Variants in RARA observed in about 807,000 individuals in gnomAD.
The protein encoded by RARA is PML-DDX5-RARA fusion.
RARA carries 5 observed loss-of-function variants against 42.8 expected under a neutral mutation model. The observed-to-expected ratio is 0.12, with a 90% CI of 0.06 to 0.25. The LOEUF (loss-of-function observed/expected upper bound fraction) is 0.25. Among genes scored for constraint, RARA ranks in the 10% least tolerant of loss-of-function variants. RARA has a pLI of 1.00. For missense variants in RARA, 402 were observed against 628.7 expected (o/e 0.64, Z 3.86); for synonymous variants, 256 against 259.5 (o/e 0.99, Z 0.13).
chr17:40,346,095 C>T lies in RARA; in HGVS notation c.179-2221C>T, dbSNP rs1460482037. 3.3e-5 allele frequency among the ~76,000 whole-genome samples: 5 copies of T among 152,332 alleles called. No homozygotes were observed. In the East Asian group the frequency reaches 9.6e-4, roughly 29 times the overall value. ...GCCCAGCCTAAACTGTAGTCCTTGC[C>T]TCTGGTCATCTCTCCCATTCTGCCA... On this transcript the variant is annotated intron_variant, in intron 2 of 8. Coordinates refer to ENST00000254066, the MANE Select transcript of RARA (RefSeq NM_000964.4).
At position 40,349,778 on chromosome 17, in the gene RARA, A is replaced by C; in HGVS notation, c.328-6A>C. 1 of 1,613,926 alleles carries C rather than the reference A, an allele frequency of 6.2e-7. No individual in the cohort carries two copies. Among genetic ancestry groups the C allele is most frequent in the Non-Finnish European group, 8.5e-7 (1 of 1,179,896 alleles). On this transcript the variant is annotated splice_polypyrimidine_tract_variant and splice_region_variant and intron_variant, in intron 3 of 8. Transcript: ENST00000254066. ...GACAACCTGACTCCCTCCCCTCCATACCCAGGGCTTCTTCCGCCGCAGCAT... is the reference window on the plus strand; with the variant it reads ...GACAACCTGACTCCCTCCCCTCCATCCCCAGGGCTTCTTCCGCCGCAGCAT...
intron 3 of RARA, 117 bp from the exon 4 acceptor site, chr17:40,349,667 G>C: frequency 7.4e-7 from 1 of 1,349,500 alleles, no homozygotes; most frequent in Non-Finnish European, 1.0e-6. Context: ...GGTAGGCGAT[G>C]GGCAAACGCT....
At chr17:40,336,501 C>G (rs2033854713) in intron 2 of RARA, among the ~76,000 whole-genome samples, 1 of 152,136 alleles carries the variant, frequency 6.6e-6, no homozygotes. Context: ...AAGCCATTCT[C>G]CTGTAGCCTC....
chr17:40,322,703 A>T (rs983900434), intron 1 of RARA, among the ~76,000 whole-genome samples: 2 of 151,906 alleles, frequency 1.3e-5, no homozygotes, highest in Non-Finnish European at 2.9e-5. Flanking sequence ...TCTGATCTCC[A>T]GTCACGGCAG....
Position 40,345,572 on chromosome 17 carries a change from T to TGG in RARA, c.179-2744_179-2743insGG, listed in dbSNP as rs1450202003. Among the ~76,000 whole-genome samples the TGG allele has an allele frequency of 6.4e-3, 973 of 152,296 alleles. 9 individuals are homozygous for TGG. Among genetic ancestry groups the TGG allele is most frequent in the Middle Eastern group, 0.02 (6 of 294 alleles). On this transcript the variant is annotated intron_variant, in intron 2 of 8. Coordinates refer to ENST00000254066, the MANE Select transcript of RARA (RefSeq NM_000964.4). This position sits in a 1 kb window ranked among gnomAD's most constrained non-coding sequence, Gnocchi z 4.8. ...GCGAGGGAGGGGCACCCTGGCAGCG[T>TGG]CGGCGGGAGGGGACGCCTGGCTTCC...
intron 1 of RARA, among the ~76,000 whole-genome samples, chr17:40,323,757 G>C (rs957567997): frequency 1.4e-5 from 2 of 144,330 alleles, no homozygotes; most frequent in East Asian, 2.1e-4. Context: ...GGTCGGAGGG[G>C]GGGTATGGGG....
chr17:40,343,840 C>T (rs1047871346), intron 2 of RARA, among the ~76,000 whole-genome samples: 4 of 152,206 alleles, frequency 2.6e-5, no homozygotes, highest in African/African-American at 9.7e-5. Context: ...GCAGGCTCCT[C>T]TGGGAGGAAG....
chr17:40,333,216 C>CT (rs1426079631), intron 2 of RARA, among the ~76,000 whole-genome samples: 5 of 151,992 alleles, frequency 3.3e-5, no homozygotes, highest in African/African-American at 1.2e-4. Context: ...TGCCCGGCTA[C>CT]TTTTGGTATT....
intron 1 of RARA, among the ~76,000 whole-genome samples, chr17:40,311,234 G>A (rs1299236950): frequency 6.6e-6 from 1 of 152,130 alleles, no homozygotes; most frequent in East Asian, 1.9e-4. Flanking sequence ...AGGGAAGCCA[G>A]TGGGAGGATG....
chr17:40,343,762 G>C (rs911901158), intron 2 of RARA, among the ~76,000 whole-genome samples: 16 of 152,076 alleles, frequency 1.1e-4, no homozygotes, highest in African/African-American at 3.6e-4. Context: ...CCTAAGAGGG[G>C]CACTGATGAG....
chr17:40,316,019 C>T (rs1203809607), intron 1 of RARA, among the ~76,000 whole-genome samples: 1 of 152,194 alleles, frequency 6.6e-6, no homozygotes. Context: ...GTTATGAGCC[C>T]AGCATAGCTG....
intron 1 of RARA, among the ~76,000 whole-genome samples, chr17:40,314,583 G>T: frequency 6.6e-6 from 1 of 151,952 alleles, no homozygotes. Flanking sequence ...GCAGTGGTGA[G>T]GGGGCAGGGG....
At chr17:40,317,537 C>A (rs1044793921) in intron 1 of RARA, among the ~76,000 whole-genome samples, 4 of 151,478 alleles carry the variant, frequency 2.6e-5, no homozygotes, top group African/African-American at 7.3e-5. Flanking sequence ...TGCTCCTGGG[C>A]GCCCCTACTG....
intron 2 of RARA, among the ~76,000 whole-genome samples, chr17:40,331,996 A>C (rs1192111062): frequency 6.6e-6 from 1 of 152,176 alleles, no homozygotes; most frequent in Non-Finnish European, 1.5e-5. Context: ...AGGAGGGGAC[A>C]CTTGGCCTGG....
chr17:40,336,404 T>TATATTATTATATATAATA (rs2033851802), intron 2 of RARA, among the ~76,000 whole-genome samples: 1 of 151,456 alleles, frequency 6.6e-6, no homozygotes, highest in Admixed American at 6.6e-5. Flanking sequence ...ATTTATTTAT[T>TATATTATTATATATAATA]TGTTTTAGAC....
At position 40,345,348 on chromosome 17, in the gene RARA, AT is replaced by A. The variant is rs2034225514; in HGVS notation, c.179-2967del. 1 of 152,450 alleles carries A rather than the reference AT, an allele frequency of 6.6e-6. No individual in the cohort carries two copies. The highest frequency in any genetic ancestry group is 2.4e-5 in the African/African-American group (1 of 41,468). 9.4% of individuals were successfully genotyped at this position (152,450 alleles called of 1,614,324 possible). On this transcript the variant is annotated intron_variant, in intron 2 of 8. Coordinates refer to ENST00000254066, the MANE Select transcript of RARA (RefSeq NM_000964.4). This position sits in a 1 kb window ranked among gnomAD's most constrained non-coding sequence, Gnocchi z 4.8. ...AGGGCCCTACGCCCCCTCCCCAACC[AT>A]CCCCAGGGGCTGCGAGGGGAGCTGC...
At chr17:40,348,161 C>T in intron 2 of RARA, 155 bp from the exon 3 acceptor site, 1 of 937,156 alleles carries the variant, frequency 1.1e-6, no homozygotes, top group South Asian at 2.0e-5. Context: ...TGCCCTGAGT[C>T]TGGCTGGGGA....
intron 1 of RARA, among the ~76,000 whole-genome samples, chr17:40,310,331 G>C (rs1395779660): frequency 1.3e-5 from 2 of 152,048 alleles, no homozygotes; most frequent in East Asian, 3.9e-4. Flanking sequence ...TTTACAGGAA[G>C]GGTGTACACC....
chr17:40,349,694 C>A, intron 3 of RARA, 90 bp from the exon 4 acceptor site: 1 of 1,530,706 alleles, frequency 6.5e-7, no homozygotes, highest in Admixed American at 1.7e-5. Context: ...CAGCAGCTGG[C>A]CTGGCCCTCC....
Sources: allele counts gnomAD v4.1 joint callset (sites outside exome capture counted in the v4.1 genomes callset), GRCh38; gene constraint gnomAD v4.1.1; non-coding constraint Gnocchi (gnomAD v3.1); transcripts MANE v1.5; gene names NCBI Gene and HGNC (gene_info 2026-07-23, HGNC 2026-07-21).